Variants in PRKN observed in about 807,000 individuals in gnomAD.
PRKN encodes the protein E3 ubiquitin-protein ligase parkin.
A neutral mutation model predicts 59.5 loss-of-function variants in PRKN; 56 were observed. The observed-to-expected ratio is 0.94, with a 90% CI of 0.76 to 1.18. PRKN has a LOEUF of 1.18. Ranked by LOEUF, PRKN falls within the 50% of genes most tolerant of loss-of-function variation. PRKN has a pLI of 0.00. For synonymous variants in PRKN, 250 were observed against 222.1 expected (o/e 1.13, Z -1.12); for missense variants, 657 against 596.4 (o/e 1.10, Z -1.06).
chr6:161,621,884 A>C (rs1782914853), intron 7 of PRKN, among the ~76,000 whole-genome samples: 1 of 152,160 alleles, frequency 6.6e-6, no homozygotes, highest in Non-Finnish European at 1.5e-5. Flanking sequence ...CCAAGTGACA[A>C]ATTCACACAT....
rs1365717775 is a variant in PRKN, at chr6:161,480,699, G to A, written c.1083+68155C>T. On this transcript the variant is annotated intron_variant, in intron 9 of 11. Transcript: ENST00000366898. The surrounding 1 kb of genome is among the most constrained non-coding windows in gnomAD (Gnocchi z 4.1). ...CAATGGAAGGTAAGAAAGAGTTAAC[G>A]TCTAACCCATTACATGCTAAGTGAA... is the stretch of plus-strand genomic sequence containing the variant. Among the ~76,000 whole-genome samples the A allele has an allele frequency of 2.6e-5, 4 of 152,114 alleles. No individual in the cohort carries two copies. The highest frequency in any genetic ancestry group is 2.0e-4 in the Admixed American group (3 of 15,276).
At chr6:161,960,359 A>T (rs1780335887) in intron 6 of PRKN, among the ~76,000 whole-genome samples, 1 of 152,200 alleles carries the variant, frequency 6.6e-6, no homozygotes, top group Admixed American at 6.5e-5. Context: ...AGACGGCTGG[A>T]GACAAACGCA....
At position 161,854,963 on chromosome 6, in the gene PRKN, G is replaced by A. The variant is rs532930834; in HGVS notation, c.735-69055C>T. Among the ~76,000 whole-genome samples, 23 of 151,594 alleles carry A rather than the reference G, an allele frequency of 1.5e-4. No individual in the cohort carries two copies. In the South Asian group the frequency reaches 4.4e-3, roughly 29 times the overall value. ...CTGGGCAGGGTGGTGTGTGCCTGTA[G>A]TCCCAGCTACTGAGGAGGCTGAGGC... On this transcript the variant is annotated intron_variant, in intron 6 of 11. Coordinates refer to ENST00000366898, the MANE Select transcript of PRKN (RefSeq NM_004562.3).
At chr6:162,006,777 T>C (rs1178101521) in intron 5 of PRKN, among the ~76,000 whole-genome samples, 1 of 152,200 alleles carries the variant, frequency 6.6e-6, no homozygotes, top group Non-Finnish European at 1.5e-5. Flanking sequence ...GTTTGCATGA[T>C]GACATCCCAT....
intron 9 of PRKN, among the ~76,000 whole-genome samples, chr6:161,511,472 T>C (rs1393507123): frequency 1.3e-5 from 2 of 152,034 alleles, no homozygotes; most frequent in African/African-American, 2.4e-5. Context: ...GAATTGGCAA[T>C]AAGGATAAAG....
Position 161,538,845 on chromosome 6 carries a change from G to A in PRKN, c.1083+10009C>T, listed in dbSNP as rs541576149. ...TTTCCCAGTGGAATGTTGGACAAGC[G>A]AGAGAAATGCCTGTCACTCTAGTCC... On this transcript the variant is annotated intron_variant, in intron 9 of 11. Coordinates refer to ENST00000366898, the MANE Select transcript of PRKN (RefSeq NM_004562.3). This position sits in a 1 kb window ranked among gnomAD's most constrained non-coding sequence, Gnocchi z 4.2. Among the ~76,000 whole-genome samples, 27 of 152,292 alleles carry A rather than the reference G, an allele frequency of 1.8e-4. No individual in the cohort carries two copies. Among genetic ancestry groups the A allele is most frequent in the Admixed American group, 9.8e-4 (15 of 15,296 alleles).
chr6:161,805,672 T>G (rs1791288678), intron 6 of PRKN, among the ~76,000 whole-genome samples: 2 of 152,222 alleles, frequency 1.3e-5, no homozygotes, highest in South Asian at 4.1e-4. Context: ...TGACTTCATT[T>G]GCTTTACAAT....
intron 6 of PRKN, among the ~76,000 whole-genome samples, chr6:161,943,943 GCCTGAGGGATCAGCCTTGAGGAAGC>G (rs1363277475): frequency 2.4e-4 from 12 of 50,872 alleles, no homozygotes; most frequent in African/African-American, 1.0e-3. Flanking sequence ...TGAGGAAGCA[GCCTGAGGGATCAGCCTTGAGGAAGC>G]AGCCTGAGGA....
intron 2 of PRKN, among the ~76,000 whole-genome samples, chr6:162,349,327 G>A (rs555178287): frequency 2.6e-5 from 4 of 152,184 alleles, no homozygotes; most frequent in East Asian, 3.9e-4. Context: ...TTAGCCAGGC[G>A]TGTTGGCATG....
intron 3 of PRKN, among the ~76,000 whole-genome samples, chr6:162,231,023 TGAAG>T (rs573163233): frequency 4.8e-4 from 73 of 152,344 alleles, no homozygotes; most frequent in Middle Eastern, 6.8e-3. Flanking sequence ...CTGGAGGTGC[TGAAG>T]GCATTCCATA....
intron 6 of PRKN, among the ~76,000 whole-genome samples, chr6:161,874,206 ATG>A (rs1794517329): frequency 1.8e-5 from 1 of 56,758 alleles, no homozygotes; most frequent in African/African-American, 8.0e-5. Flanking sequence ...TATATATTAT[ATG>A]TAAAATATAA....
intron 2 of PRKN, among the ~76,000 whole-genome samples, chr6:162,361,051 G>A (rs1785110734): frequency 6.6e-6 from 1 of 152,118 alleles, no homozygotes; most frequent in African/African-American, 2.4e-5. Flanking sequence ...AGAAACTTTG[G>A]CATCCCATCC....
At position 161,448,028 on chromosome 6, in the gene PRKN, G is replaced by A. The variant is rs1789572036; in HGVS notation, c.1084-61151C>T. Among the ~76,000 whole-genome samples the A allele has an allele frequency of 6.6e-6, 1 of 152,138 alleles. No homozygotes were observed. Among genetic ancestry groups the A allele is most frequent in the African/African-American group, 2.4e-5 (1 of 41,410 alleles). On this transcript the variant is annotated intron_variant, in intron 9 of 11. Transcript: ENST00000366898. This position sits in a 1 kb window ranked among gnomAD's most constrained non-coding sequence, Gnocchi z 5.1. ...CAGACTGAATGATGTGGGAGGTAGG[G>A]ACCTTGGTCATTGTTATCTCTTTAT... is the stretch of plus-strand genomic sequence containing the variant.
chr6:162,627,161 A>G (rs1305271037), intron 1 of PRKN, among the ~76,000 whole-genome samples: 1 of 152,146 alleles, frequency 6.6e-6, no homozygotes, highest in African/African-American at 2.4e-5. Flanking sequence ...AAAATGATGG[A>G]CAATTTCTAA....
intron 9 of PRKN, among the ~76,000 whole-genome samples, chr6:161,506,102 T>C (rs1161150570): frequency 6.0e-5 from 9 of 151,002 alleles, no homozygotes; most frequent in African/African-American, 2.4e-5. Context: ...ATTGAATCTA[T>C]AAATTACCTT....
chr6:162,580,320 C>T (rs1408761101), intron 1 of PRKN, among the ~76,000 whole-genome samples: 1 of 151,876 alleles, frequency 6.6e-6, no homozygotes, highest in Admixed American at 6.6e-5. Context: ...TGCCTGCAGT[C>T]CCGGCTACTT....
intron 1 of PRKN, among the ~76,000 whole-genome samples, chr6:162,533,736 C>T (rs13194936): frequency 0.079 from 12,031 of 151,882 alleles, 666 homozygotes; most frequent in South Asian, 0.18. Flanking sequence ...TTTGGGAGGC[C>T]GAGGCGGGCG....
chr6:161,791,478 T>C (rs1449160517), intron 6 of PRKN, among the ~76,000 whole-genome samples: 1 of 152,236 alleles, frequency 6.6e-6, no homozygotes, highest in Non-Finnish European at 1.5e-5. Flanking sequence ...TTCTCTCTCA[T>C]TTGCCCTCCT....
At chr6:162,426,483 C>T (rs1789243803) in intron 2 of PRKN, among the ~76,000 whole-genome samples, 1 of 152,226 alleles carries the variant, frequency 6.6e-6, no homozygotes, top group Non-Finnish European at 1.5e-5. Context: ...CAAGGTCTGG[C>T]TCTGTCACCC....
Sources: gnomAD v4.1 joint callset for allele counts (sites outside exome capture counted in the v4.1 genomes callset) on GRCh38, gnomAD v4.1.1 for gene constraint, Gnocchi (gnomAD v3.1) non-coding constraint, MANE v1.5 for transcripts, NCBI Gene and HGNC (gene_info 2026-07-23, HGNC 2026-07-21) for gene names.